NPEPPS: variants seen among roughly 807,000 people sequenced by gnomAD.
The protein encoded by NPEPPS is puromycin-sensitive aminopeptidase.
In NPEPPS, 14 loss-of-function variants were observed where a neutral mutation model predicts 115.5. The ratio of observed to expected loss-of-function variants is 0.12; its 90% CI spans 0.08 to 0.19. The LOEUF (loss-of-function observed/expected upper bound fraction) is 0.19, where lower values mean the gene tolerates loss of function less well. Ranked by LOEUF, NPEPPS falls within the 10% of genes least tolerant of loss-of-function variation. NPEPPS has a pLI of 1.00. For synonymous variants in NPEPPS, 285 were observed against 390.6 expected, an observed-to-expected ratio of 0.73 and a Z score of 3.19; for missense variants, 523 against 1,110.8, an observed-to-expected ratio of 0.47 and a Z score of 7.52.
intron 17 of NPEPPS, 34 bp downstream of exon 17, chr17:47,605,586 C>G: frequency 1.5e-6 from 2 of 1,329,250 alleles, no homozygotes; most frequent in Non-Finnish European, 2.1e-6. Context: ...AAGAATTACG[C>G]AGAAGTTGGT....
In NPEPPS at chr17:47,571,090, A is replaced by G. The variant is rs1243440182; in HGVS notation, c.418+1596A>G. On this transcript the variant is annotated intron_variant, in intron 3 of 22. Coordinates refer to ENST00000322157, the MANE Select transcript of NPEPPS (RefSeq NM_006310.4). ...CAAGCCAGGAATGATATATATCTAT[A>G]TAGTGAAATATACTTAGCAATTAAA... Among the ~76,000 whole-genome samples the G allele has an allele frequency of 5.3e-5, 8 of 152,224 alleles. No individual in the cohort carries two copies. The South Asian group carries it at 1.4e-3, about 28-fold the overall frequency.
intron 17 of NPEPPS, among the ~76,000 whole-genome samples, chr17:47,607,313 AG>A (rs927572214): frequency 2.2e-4 from 33 of 152,164 alleles, no homozygotes; most frequent in African/African-American, 7.7e-4. Context: ...ACATGGAGAG[AG>A]TTTTGAGGCT....
intron 1 of NPEPPS, among the ~76,000 whole-genome samples, chr17:47,541,664 C>T (rs1223496922): frequency 2.0e-5 from 3 of 152,170 alleles, no homozygotes; most frequent in Non-Finnish European, 2.9e-5. Context: ...CATGAGCCGT[C>T]GTGCCCAGCC....
In NPEPPS at chr17:47,601,709, G is replaced by C; in HGVS notation, c.1702G>C (p.Val568Leu). The part of the protein sequence containing the change: ...KILMDKPEMN[V>L]VLKNVKPDQW... ...TCTAATGGACAAGCCAGAGATGAAT[G>C]TGGTTTTGAAAAATGTCAAACCAGA... The change falls in exon 15 of 23, where the codon GTG becomes CTG. Residue 568 changes from valine (V) to leucine (L), a missense_variant. By Grantham distance (32) the Val-to-Leu change is conservative. This residue lies in a region of NPEPPS where 372 missense variants were observed against 542.6 expected (regional missense o/e 0.69). Transcript: ENST00000322157. 1 of 1,613,446 alleles carries C rather than the reference G, an allele frequency of 6.2e-7. No individual in the cohort carries two copies. Among genetic ancestry groups the C allele is most frequent in the Non-Finnish European group, 8.5e-7 (1 of 1,179,682 alleles).
chr17:47,576,289 G>A (rs1373843423), intron 3 of NPEPPS, among the ~76,000 whole-genome samples: 2 of 152,172 alleles, frequency 1.3e-5, no homozygotes, highest in Non-Finnish European at 2.9e-5. Context: ...TCAAAAACAA[G>A]ATAATAAAAA....
At chr17:47,560,008 C>A (rs953060218) in intron 2 of NPEPPS, among the ~76,000 whole-genome samples, 1 of 152,162 alleles carries the variant, frequency 6.6e-6, no homozygotes, top group Non-Finnish European at 1.5e-5. Context: ...CAGCAAATGA[C>A]CCCAGAGCAA....
At chr17:47,607,213 C>T (rs1210270812) in intron 17 of NPEPPS, among the ~76,000 whole-genome samples, 1 of 151,786 alleles carries the variant, frequency 6.6e-6, no homozygotes, top group Non-Finnish European at 1.5e-5. Context: ...AAAAGAAAGT[C>T]GTCAGATAAT....
chr17:47,620,087 G>A (rs1914456885), intron 22 of NPEPPS: 3 of 233,352 alleles, frequency 1.3e-5, no homozygotes, highest in African/African-American at 2.3e-5. Context: ...GGTGGTGCAC[G>A]CCTCTAATCC....
intron 12 of NPEPPS, among the ~76,000 whole-genome samples, chr17:47,592,903 C>T (rs1912602102): frequency 6.6e-6 from 1 of 152,076 alleles, no homozygotes; most frequent in Admixed American, 6.6e-5. Context: ...ATCCCTCCCC[C>T]AGCCCCCTAC....
chr17:47,536,051 A>G (rs1025266801), intron 1 of NPEPPS, among the ~76,000 whole-genome samples: 10 of 151,832 alleles, frequency 6.6e-5, no homozygotes, highest in Non-Finnish European at 1.3e-4. Context: ...ATTGGCCAGG[A>G]TGGTCTTGAT....
In NPEPPS at chr17:47,622,224, C is replaced by G; in HGVS notation, c.*304C>G. 2.5e-6 allele frequency: 1 copy of G among 401,918 alleles called. No homozygotes were observed. The highest frequency in any genetic ancestry group is 3.6e-6 in the Non-Finnish European group (1 of 279,710). The allele number at this position is 401,918 out of a possible 1,614,324, so 24.9% of individuals were successfully genotyped here. ...TGTCAGTGGTTAAAAGTATTTAACA[C>G]TCTACTGTTAATGACAGATGTTCTG... On this transcript the variant is annotated 3_prime_UTR_variant, in exon 23 of 23. Transcript: ENST00000322157.
intron 2 of NPEPPS, among the ~76,000 whole-genome samples, chr17:47,552,865 A>G (rs183062727): frequency 1.3e-5 from 2 of 152,344 alleles, no homozygotes; most frequent in Non-Finnish European, 2.9e-5. Context: ...AGTGCATTAC[A>G]TGTTCATATA....
At chr17:47,594,317 T>A (rs1386375778) in intron 12 of NPEPPS, among the ~76,000 whole-genome samples, 2 of 152,198 alleles carry the variant, frequency 1.3e-5, no homozygotes, top group African/African-American at 4.8e-5. Flanking sequence ...TTTATAAAAA[T>A]AATTTTTCTT....
In NPEPPS at chr17:47,531,202, A is replaced by T; in HGVS notation, c.-99A>T. 7.2e-6 allele frequency: 7 copies of T among 974,908 alleles called. No homozygotes were observed. In the South Asian group the frequency reaches 1.7e-4, roughly 24 times the overall value. The allele number at this position is 974,908 out of a possible 1,614,324, so 60.4% of individuals were successfully genotyped here. Reference sequence around the variant, plus strand: ...GCAGCCCGCCCGCCAGTCCGCCCGCACCGCCTCCTTCCCAGCCCCTAGCGC... The same window carrying T: ...GCAGCCCGCCCGCCAGTCCGCCCGCTCCGCCTCCTTCCCAGCCCCTAGCGC... On this transcript the variant is annotated 5_prime_UTR_variant, in exon 1 of 23. Transcript: ENST00000322157.
At chr17:47,601,837 G>GAA in intron 15 of NPEPPS, 90 bp downstream of exon 15, 204 of 1,034,206 alleles carry the variant, frequency 2.0e-4, no homozygotes, top group East Asian at 2.5e-4. Flanking sequence ...TAGTTTCAAA[G>GAA]AAAAAAAAAA....
intron 3 of NPEPPS, 111 bp downstream of exon 3, chr17:47,569,605 G>A (rs570591583): frequency 3.2e-5 from 18 of 558,482 alleles, no homozygotes; most frequent in Non-Finnish European, 3.5e-5. Flanking sequence ...AGCAGATTAA[G>A]TATTAAGAGC....
At chr17:47,530,826 C>T (rs1392038071), upstream of NPEPPS, among the ~76,000 whole-genome samples, 1 of 151,964 alleles carries the variant, frequency 6.6e-6, no homozygotes, top group African/African-American at 2.4e-5. Flanking sequence ...GCTGAACTGA[C>T]CAACTGCGTA....
At chr17:47,538,413 C>A (rs1461012427) in intron 1 of NPEPPS, among the ~76,000 whole-genome samples, 1 of 150,680 alleles carries the variant, frequency 6.6e-6, no homozygotes, top group Admixed American at 6.7e-5. Context: ...CAGGTTTCGC[C>A]ATGTTAGCTA....
At chr17:47,580,159 T>C (rs1911787665) in intron 4 of NPEPPS, 1 of 152,214 alleles carries the variant, frequency 6.6e-6, no homozygotes, top group Non-Finnish European at 1.5e-5. Context: ...CGTTCTTATG[T>C]TTCTGCCCAT....
Sources: allele counts gnomAD v4.1 joint callset (sites outside exome capture counted in the v4.1 genomes callset), GRCh38; gene constraint gnomAD v4.1.1; regional missense constraint gnomAD v4.1.1; transcripts MANE v1.5; gene names NCBI Gene and HGNC (gene_info 2026-07-23, HGNC 2026-07-21).